CABCOCO1: variants seen among roughly 807,000 people sequenced by gnomAD.
CABCOCO1 encodes the protein ciliary associated calcium binding coiled-coil 1, also known as ciliary-associated calcium-binding coiled-coil protein 1.
A neutral mutation model predicts 35.7 loss-of-function variants in CABCOCO1; 28 were observed. The ratio of observed to expected loss-of-function variants is 0.78; its 90% CI spans 0.58 to 1.07. The LOEUF is 1.07. CABCOCO1 is among the 50% of genes least tolerant of loss of function. The pLI is 0.00. For synonymous variants in CABCOCO1, 95 were observed against 100.1 expected (o/e 0.95, Z 0.30); for missense variants, 326 against 309.2 (o/e 1.05, Z -0.41).
At chr10:61,676,875 C>T (rs1177504021) in intron 2 of CABCOCO1, among the ~76,000 whole-genome samples, 2 of 151,892 alleles carry the variant, frequency 1.3e-5, no homozygotes, top group East Asian at 3.9e-4. Context: ...TCCTGGCTAA[C>T]ACGGTGAAAC....
chr10:61,723,696 T>A (rs1841076819), intron 5 of CABCOCO1, among the ~76,000 whole-genome samples: 1 of 152,116 alleles, frequency 6.6e-6, no homozygotes, highest in Non-Finnish European at 1.5e-5. Flanking sequence ...AAGAGCTAGC[T>A]CTCTAGTGTC....
At chr10:61,715,893 T>C (rs566684106) in intron 5 of CABCOCO1, among the ~76,000 whole-genome samples, 4 of 152,322 alleles carry the variant, frequency 2.6e-5, no homozygotes, top group East Asian at 1.9e-4. Context: ...GTTAGTCTGA[T>C]GGACTTCCCT....
chr10:61,668,075 G>C (rs896283672), intron 1 of CABCOCO1, among the ~76,000 whole-genome samples: 1 of 151,624 alleles, frequency 6.6e-6, no homozygotes, highest in East Asian at 1.9e-4. Context: ...CTGAATCTTA[G>C]TAAGTGCCTG....
rs562337612 is a variant in CABCOCO1 at position 61,666,153 on chromosome 10, G to A, written c.60+3121G>A. ...GTCTAGGAGATCATCAACATATCCT[G>A]GAGCAGGCCATAGACAACTCTCTCT... On this transcript the variant is annotated intron_variant, in intron 1 of 7. Transcript: ENST00000648843. 5.3e-5 allele frequency among the ~76,000 whole-genome samples: 8 copies of A among 152,210 alleles called. No homozygotes were observed. The South Asian group carries it at 1.2e-3, about 24-fold the overall frequency.
intron 5 of CABCOCO1, among the ~76,000 whole-genome samples, chr10:61,709,354 G>T (rs1429056395): frequency 6.6e-6 from 1 of 152,010 alleles, no homozygotes; most frequent in African/African-American, 2.4e-5. Flanking sequence ...CTTAAAATTA[G>T]ATTATTGCTT....
intron 5 of CABCOCO1, among the ~76,000 whole-genome samples, chr10:61,708,641 T>C (rs1840652601): frequency 6.6e-6 from 1 of 152,038 alleles, no homozygotes; most frequent in African/African-American, 2.4e-5. Flanking sequence ...AGGGCATTAA[T>C]CCCCTTTATG....
chr10:61,758,619 A>G (rs985282395), intron 5 of CABCOCO1, among the ~76,000 whole-genome samples: 1 of 152,100 alleles, frequency 6.6e-6, no homozygotes, highest in African/African-American at 2.4e-5. Context: ...CAACTTAATG[A>G]CGTATTACAG....
intron 1 of CABCOCO1, among the ~76,000 whole-genome samples, chr10:61,664,585 A>G (rs550298989): frequency 6.6e-6 from 1 of 152,202 alleles, no homozygotes; most frequent in African/African-American, 2.4e-5. Context: ...TTCTCATGAC[A>G]TGCAATTCAG....
At chr10:61,674,137 T>G (rs1589111017) in intron 2 of CABCOCO1, among the ~76,000 whole-genome samples, 1 of 152,232 alleles carries the variant, frequency 6.6e-6, no homozygotes, top group African/African-American at 2.4e-5. Flanking sequence ...TAAGTGCTTT[T>G]CAGAATTATT....
chr10:61,702,925 A>G (rs77609103), intron 5 of CABCOCO1, among the ~76,000 whole-genome samples: 1 of 152,006 alleles, frequency 6.6e-6, no homozygotes, highest in Non-Finnish European at 1.5e-5. Flanking sequence ...GAAAAAAAAA[A>G]CAGGAAAAAA....
At chr10:61,683,538 G>A (rs1187967703) in intron 3 of CABCOCO1, among the ~76,000 whole-genome samples, 1 of 152,090 alleles carries the variant, frequency 6.6e-6, no homozygotes, top group African/African-American at 2.4e-5. Context: ...TCCAGCCTGG[G>A]CAACACAGCA....
rs1564528664 is a variant in CABCOCO1, at chr10:61,671,017, CTCTATT to C, written c.61-1609_61-1604del. 2.0e-5 allele frequency among the ~76,000 whole-genome samples: 3 copies of C among 152,224 alleles called. No individual in the cohort carries two copies. The South Asian group carries it at 6.2e-4, about 32-fold the overall frequency. On this transcript the variant is annotated intron_variant, in intron 1 of 7. Transcript: ENST00000648843. ...TAAAAACTAGCATAGTCTTCCAACA[CTCTATT>C]TCTATCAGTATAAAAAGGGTTGGCT...
intron 5 of CABCOCO1, among the ~76,000 whole-genome samples, chr10:61,719,433 A>T (rs1840943050): frequency 1.3e-5 from 2 of 152,036 alleles, no homozygotes; most frequent in South Asian, 2.1e-4. Flanking sequence ...ATATAGTTAC[A>T]GGTTACACAT....
intron 5 of CABCOCO1, among the ~76,000 whole-genome samples, chr10:61,745,107 G>A (rs1463158256): frequency 6.6e-6 from 1 of 152,108 alleles, no homozygotes; most frequent in African/African-American, 2.4e-5. Flanking sequence ...TTTATATCTA[G>A]CTATCAAATG....
At chr10:61,754,682 G>A (rs1441741010) in intron 5 of CABCOCO1, among the ~76,000 whole-genome samples, 1 of 152,132 alleles carries the variant, frequency 6.6e-6, no homozygotes, top group African/African-American at 2.4e-5. Flanking sequence ...TAGCCAGATT[G>A]CAAATTGGTT....
At chr10:61,708,909 T>C (rs1231474956) in intron 5 of CABCOCO1, among the ~76,000 whole-genome samples, 3 of 152,174 alleles carry the variant, frequency 2.0e-5, no homozygotes, top group Admixed American at 2.0e-4. Flanking sequence ...TTATAGACAC[T>C]GAAATAAATG....
chr10:61,716,017 C>T (rs1840856065), intron 5 of CABCOCO1, among the ~76,000 whole-genome samples: 1 of 151,730 alleles, frequency 6.6e-6, no homozygotes, highest in Non-Finnish European at 1.5e-5. Flanking sequence ...AGGAGTATCT[C>T]TGTGGAATTA....
intron 5 of CABCOCO1, among the ~76,000 whole-genome samples, chr10:61,727,069 A>C (rs1043907107): frequency 6.1e-5 from 7 of 115,328 alleles, no homozygotes; most frequent in East Asian, 6.0e-4. Flanking sequence ...CACATACACA[A>C]AAAAAATGTT....
intron 5 of CABCOCO1, among the ~76,000 whole-genome samples, chr10:61,736,593 C>A (rs1296999782): frequency 4.6e-5 from 7 of 152,022 alleles, no homozygotes. Flanking sequence ...CAGATTTGTT[C>A]TTTTTGCTTA....
Sources: gnomAD v4.1 joint callset for allele counts (sites outside exome capture counted in the v4.1 genomes callset) on GRCh38, gnomAD v4.1.1 for gene constraint, MANE v1.5 for transcripts, NCBI Gene and HGNC (gene_info 2026-07-23, HGNC 2026-07-21) for gene names.